DNAAF4: variants seen among roughly 807,000 people sequenced by gnomAD.
DNAAF4 encodes dynein axonemal assembly factor 4.
In DNAAF4, 43 loss-of-function variants were observed where a neutral mutation model predicts 51.8. The ratio of observed to expected loss-of-function variants is 0.83; its 90% CI spans 0.65 to 1.07. The LOEUF is 1.07. DNAAF4 is among the 50% of genes least tolerant of loss of function. The pLI is 0.00. For synonymous variants in DNAAF4, 194 were observed against 165.6 expected (o/e 1.17, Z -1.32); for missense variants, 581 against 493.0 (o/e 1.18, Z -1.69).
At position 55,498,207 on chromosome 15, in the gene DNAAF4, C is replaced by G; in HGVS notation, c.123G>C (p.Lys41Asn). ...CGGCAGGCAAGACTTGCATTCTTAC[C>G]TTCAGATAGTTTTCCGTGCAGAACA... ...TDVFCTENYL[K>N]VNFPPFLFEA... is the part of the protein sequence containing the mutation. Residue 41 changes from lysine to asparagine, a missense_variant and splice_region_variant, in exon 2 of 10, where the codon AAG becomes AAC. By Grantham distance (94) the Lys-to-Asn change is moderately conservative (BLOSUM62 0). Transcript: ENST00000321149. The G allele has an allele frequency of 6.2e-7, 1 of 1,614,002 alleles. No individual in the cohort carries two copies. Among genetic ancestry groups the G allele is most frequent in the Non-Finnish European group, 8.5e-7 (1 of 1,179,962 alleles).
chr15:55,425,842 G>T (rs1159558193), downstream of DNAAF4, among the ~76,000 whole-genome samples: 1 of 152,186 alleles, frequency 6.6e-6, no homozygotes, highest in Non-Finnish European at 1.5e-5. Context: ...CACTGATTTG[G>T]ACTGAACCTC....
intron 5 of DNAAF4, among the ~76,000 whole-genome samples, chr15:55,460,729 G>T (rs987271929): frequency 7.3e-5 from 11 of 151,476 alleles, no homozygotes; most frequent in African/African-American, 2.7e-4. Context: ...TTCATTCCAA[G>T]ATAAACCAAA....
At chr15:55,441,682 C>T (rs1042227511) in intron 6 of DNAAF4, among the ~76,000 whole-genome samples, 54 of 151,888 alleles carry the variant, frequency 3.6e-4, no homozygotes, top group Non-Finnish European at 1.3e-4. Context: ...TTTGTCCTTG[C>T]AATAGTTTGC....
Position 55,498,588 on chromosome 15 carries a change from C to A in DNAAF4, c.-255-4G>T. On this transcript the variant is annotated splice_polypyrimidine_tract_variant and splice_region_variant and intron_variant, in intron 1 of 9. Coordinates refer to ENST00000321149, the MANE Select transcript of DNAAF4 (RefSeq NM_130810.4). ...CAAAGAAGTAGACCCATACCCTCTG[C>A]TTGAGAAAAAAAAAAAAAAAAAAAA... 1.1e-5 allele frequency: 1 copy of A among 93,618 alleles called. No individual in the cohort carries two copies. The highest frequency in any genetic ancestry group is 7.6e-5 in the African/African-American group (1 of 13,224). The allele number at this position is 93,618 out of a possible 1,614,324, so 5.8% of individuals were successfully genotyped here.
intron 1 of DNAAF4, among the ~76,000 whole-genome samples, chr15:55,500,590 T>C (rs1292352936): frequency 1.3e-5 from 2 of 152,236 alleles, no homozygotes; most frequent in African/African-American, 4.8e-5. Flanking sequence ...CAGGAAAATC[T>C]GTTAGCAATC....
intron 1 of DNAAF4, among the ~76,000 whole-genome samples, chr15:55,502,905 G>A (rs1415402468): frequency 6.6e-6 from 1 of 151,830 alleles, no homozygotes; most frequent in Non-Finnish European, 1.5e-5. Context: ...CTAGCAGAAG[G>A]CAAGAAATAA....
chr15:55,421,232 G>A (rs890975950), intron 7 of DNAAF4, among the ~76,000 whole-genome samples: 1 of 151,146 alleles, frequency 6.6e-6, no homozygotes. Flanking sequence ...AGGCACAGTG[G>A]CTCACACTTA....
chr15:55,422,613 G>T (rs1049865555), intron 7 of DNAAF4, among the ~76,000 whole-genome samples: 18 of 152,138 alleles, frequency 1.2e-4, no homozygotes, highest in Admixed American at 5.2e-4. Context: ...TGACCCAGCA[G>T]TGTGAAATTA....
intron 1 of DNAAF4, among the ~76,000 whole-genome samples, chr15:55,500,443 T>C (rs1256932388): frequency 6.6e-6 from 1 of 152,232 alleles, no homozygotes; most frequent in Admixed American, 6.5e-5. Flanking sequence ...TCTTACATTA[T>C]CTTCTAAAGA....
chr15:55,425,339 G>T (rs1374515988), downstream of DNAAF4, among the ~76,000 whole-genome samples: 1 of 152,114 alleles, frequency 6.6e-6, no homozygotes, highest in Admixed American at 6.6e-5. Context: ...AATCCTGTTA[G>T]GTCAATTTAA....
intron 6 of DNAAF4, among the ~76,000 whole-genome samples, chr15:55,448,645 G>A (rs1431585021): frequency 1.3e-5 from 2 of 151,530 alleles, no homozygotes; most frequent in Non-Finnish European, 2.9e-5. Context: ...CGAGGTGGGT[G>A]GATCACAAGT....
chr15:55,429,750 G>A (rs917458421), downstream of DNAAF4, among the ~76,000 whole-genome samples: 4 of 151,326 alleles, frequency 2.6e-5, no homozygotes, highest in African/African-American at 9.7e-5. Context: ...CCAGGAGGCA[G>A]AGCTTGCAGT....
intron 6 of DNAAF4, among the ~76,000 whole-genome samples, chr15:55,446,971 G>T (rs182418093): frequency 2.2e-5 from 3 of 134,274 alleles, no homozygotes; most frequent in South Asian, 5.0e-4. Context: ...GGGCAGAGGC[G>T]CTCCCCACTT....
chr15:55,430,600 A>C lies in DNAAF4; in HGVS notation c.*70T>G. On this transcript the variant is annotated 3_prime_UTR_variant, in exon 10 of 10. Coordinates refer to ENST00000321149, the MANE Select transcript of DNAAF4 (RefSeq NM_130810.4). ...AAAGCGATTCTGTACAACTGGCCAT[A>C]ATATGTACAAAGATGCCTCCAGTTG... 3 of 1,546,592 alleles carry C rather than the reference A, an allele frequency of 1.9e-6. No homozygotes were observed. The highest frequency in any genetic ancestry group is 2.6e-6 in the Non-Finnish European group (3 of 1,148,176).
Position 55,430,543 on chromosome 15 carries a change from T to C in DNAAF4, c.*127A>G, listed in dbSNP as rs2057476354. 1 of 1,315,418 alleles carries C rather than the reference T, an allele frequency of 7.6e-7. No homozygotes were observed. The highest frequency in any genetic ancestry group is 3.5e-5 in the Admixed American group (1 of 28,358). 81.5% of individuals were successfully genotyped at this position (1,315,418 alleles called of 1,614,324 possible). A position where few individuals can be genotyped will look rare whatever the true frequency, so the allele number is the denominator to read the frequency against. ...TTTATTTTCTATAGATTTATAATATTTTGCCCTCAACAGAACTAAAGTACT... is the reference window on the plus strand; with the variant it reads ...TTTATTTTCTATAGATTTATAATATCTTGCCCTCAACAGAACTAAAGTACT... On this transcript the variant is annotated 3_prime_UTR_variant, in exon 10 of 10. Transcript: ENST00000321149.
chr15:55,452,840 C>T, intron 5 of DNAAF4, among the ~76,000 whole-genome samples: 1 of 152,070 alleles, frequency 6.6e-6, no homozygotes, highest in East Asian at 1.9e-4. Context: ...TGGCTGGAGA[C>T]TGGAAATTTA....
intron 6 of DNAAF4, among the ~76,000 whole-genome samples, chr15:55,447,228 C>T (rs1388568784): frequency 2.0e-5 from 3 of 149,994 alleles, no homozygotes; most frequent in Admixed American, 1.3e-4. Flanking sequence ...GGCAGCCGGG[C>T]AGAGGCGCTC....
chr15:55,476,032 A>G (rs1310655020), intron 4 of DNAAF4, among the ~76,000 whole-genome samples: 1 of 152,218 alleles, frequency 6.6e-6, no homozygotes, highest in African/African-American at 2.4e-5. Context: ...GTACCGACAG[A>G]AAAAAACAGA....
intron 7 of DNAAF4, among the ~76,000 whole-genome samples, chr15:55,436,549 T>C (rs985121538): frequency 1.9e-4 from 29 of 151,886 alleles, no homozygotes; most frequent in African/African-American, 7.0e-4. Context: ...AATGCCTGAC[T>C]AGTTTTTGTA....
Sources: gnomAD v4.1 joint callset for allele counts (sites outside exome capture counted in the v4.1 genomes callset) on GRCh38, gnomAD v4.1.1 for gene constraint, MANE v1.5 for transcripts, NCBI Gene and HGNC (gene_info 2026-07-23, HGNC 2026-07-21) for gene names.